The following TIMD4 variants were observed in gnomAD, a reference collection of about 807,000 sequenced individuals.
TIMD4 encodes the protein T cell immunoglobulin and mucin domain containing 4, also known as T-cell immunoglobulin and mucin domain-containing protein 4.
A neutral mutation model predicts 41.2 loss-of-function variants in TIMD4; 31 were observed. The observed-to-expected ratio is 0.75, with a 90% CI of 0.57 to 1.01. TIMD4 has a LOEUF of 1.01. TIMD4 is among the 50% of genes least tolerant of loss of function. The probability of loss-of-function intolerance (pLI) is 0.00; values close to 1 mark genes in which losing one functional copy is unlikely to be tolerated. For synonymous variants in TIMD4, 204 were observed against 177.1 expected, an observed-to-expected ratio of 1.15 and a Z score of -1.21; for missense variants, 479 against 472.5, an observed-to-expected ratio of 1.01 and a Z score of -0.13.
chr5:156,943,676 T>C (rs964601400), intron 5 of TIMD4, among the ~76,000 whole-genome samples: 1 of 152,148 alleles, frequency 6.6e-6, no homozygotes, highest in Non-Finnish European at 1.5e-5. Context: ...GCCCTGGCTT[T>C]GGAGTCCCTA....
At chr5:156,923,143 ATTTTTT>A (rs375276732) in intron 6 of TIMD4, among the ~76,000 whole-genome samples, 36,616 of 134,826 alleles carry the variant, frequency 0.27, 4,742 homozygotes, top group Admixed American at 0.34. Context: ...CTGGGATTAA[ATTTTTT>A]TTTTTTTTTT....
chr5:156,946,634 G>A (rs531278505), intron 5 of TIMD4, among the ~76,000 whole-genome samples: 2 of 151,406 alleles, frequency 1.3e-5, no homozygotes, highest in East Asian at 2.0e-4. Context: ...CCGCCACCAC[G>A]TCCACCTAAT....
At chr5:156,932,718 G>T (rs1013131276) in intron 5 of TIMD4, among the ~76,000 whole-genome samples, 2 of 152,224 alleles carry the variant, frequency 1.3e-5, no homozygotes, top group East Asian at 3.9e-4. Context: ...AAAGAAAACG[G>T]TTTAAGGGCT....
At chr5:156,959,256 C>A (rs1440549587) in intron 1 of TIMD4, among the ~76,000 whole-genome samples, 1 of 152,084 alleles carries the variant, frequency 6.6e-6, no homozygotes, top group East Asian at 1.9e-4. Context: ...ACATTGTAAA[C>A]CCCATTCTGC....
Position 156,919,343 on chromosome 5 carries a change from A to G in TIMD4, c.*114T>C. The G allele has an allele frequency of 3.2e-6, 3 of 938,340 alleles. No individual in the cohort carries two copies. The highest frequency in any genetic ancestry group is 5.0e-6 in the Non-Finnish European group (3 of 603,142). The allele number at this position is 938,340 out of a possible 1,614,324, so 58.1% of individuals were successfully genotyped here. A position where few individuals can be genotyped will look rare whatever the true frequency, so the allele number is the denominator to read the frequency against. The stretch of plus-strand genomic sequence containing the variant: ...CATGAAACTAAAGCAAGCCTGGATC[A>G]ATGACATCCATGGAATAAGTGAGTC... On this transcript the variant is annotated 3_prime_UTR_variant, in exon 9 of 9. Coordinates refer to ENST00000274532, the MANE Select transcript of TIMD4 (RefSeq NM_138379.3).
chr5:156,934,806 C>T (rs1157929603), intron 5 of TIMD4, among the ~76,000 whole-genome samples: 1 of 151,920 alleles, frequency 6.6e-6, no homozygotes, highest in Admixed American at 6.6e-5. Context: ...GAGTGAGCTT[C>T]GAGCCAGAAA....
intron 1 of TIMD4, among the ~76,000 whole-genome samples, chr5:156,961,891 T>C (rs1490314065): frequency 1.2e-5 from 1 of 82,948 alleles, no homozygotes; most frequent in Non-Finnish European, 2.7e-5. Context: ...TATTCAGCCA[T>C]AAAAAAAGAA....
At chr5:156,948,117 T>C (rs1759778096) in intron 5 of TIMD4, among the ~76,000 whole-genome samples, 1 of 152,100 alleles carries the variant, frequency 6.6e-6, no homozygotes, top group Non-Finnish European at 1.5e-5. Flanking sequence ...ATGTGGTACG[T>C]GGCCACGAAG....
intron 5 of TIMD4, among the ~76,000 whole-genome samples, chr5:156,947,717 C>G (rs898231538): frequency 2.0e-5 from 3 of 152,030 alleles, no homozygotes; most frequent in Non-Finnish European, 2.9e-5. Flanking sequence ...AAGACATGCA[C>G]AAAACTGAAC....
chr5:156,933,338 A>G (rs35258610), intron 5 of TIMD4, among the ~76,000 whole-genome samples: 32,008 of 151,904 alleles, frequency 0.21, 3,836 homozygotes, highest in Admixed American at 0.32. Flanking sequence ...GAAACATATC[A>G]AGATGCTCTC....
Position 156,934,352 on chromosome 5 carries a change from G to A in TIMD4, c.845-8040C>T, listed in dbSNP as rs771508165. On this transcript the variant is annotated intron_variant, in intron 5 of 8. Transcript: ENST00000274532. ...CTCAACCTCCCAGGCTCTGGCTCAC[G>A]GTATCCTCCCACCTCACCTCTGCTT... Among the ~76,000 whole-genome samples, 21 of 152,224 alleles carry A rather than the reference G, an allele frequency of 1.4e-4. 2 individuals carry two copies. The highest frequency in any genetic ancestry group is 3.4e-3 in the Middle Eastern group (1 of 294).
chr5:156,958,332 AG>A (rs1343086206), intron 1 of TIMD4, among the ~76,000 whole-genome samples: 4 of 85,384 alleles, frequency 4.7e-5, no homozygotes, highest in African/African-American at 1.9e-4. Flanking sequence ...AGGAAAGGAA[AG>A]GAAAGGAAAG....
At chr5:156,945,646 T>C (rs1176462668) in intron 5 of TIMD4, among the ~76,000 whole-genome samples, 3 of 152,360 alleles carry the variant, frequency 2.0e-5, no homozygotes, top group African/African-American at 7.2e-5. Context: ...TATTTCTATC[T>C]GTTTTCATGT....
At chr5:156,950,712 A>C (rs990139856) in intron 3 of TIMD4, among the ~76,000 whole-genome samples, 3 of 152,326 alleles carry the variant, frequency 2.0e-5, no homozygotes, top group African/African-American at 7.2e-5. Context: ...AGAAACAAAG[A>C]AAAGAAACAA....
At chr5:156,962,833 C>T (rs929862733) in intron 1 of TIMD4, among the ~76,000 whole-genome samples, 5 of 152,200 alleles carry the variant, frequency 3.3e-5, no homozygotes, top group African/African-American at 1.2e-4. Context: ...ATGAATAACA[C>T]CCATAGAGGA....
chr5:156,935,258 A>G (rs1023303119), intron 5 of TIMD4, among the ~76,000 whole-genome samples: 1 of 152,088 alleles, frequency 6.6e-6, no homozygotes, highest in Non-Finnish European at 1.5e-5. Flanking sequence ...TTTTACAGTA[A>G]ATAACAAAGG....
intron 5 of TIMD4, 115 bp from the exon 6 acceptor site, chr5:156,926,427 T>G (rs1406162794): frequency 9.8e-7 from 1 of 1,021,288 alleles, no homozygotes. Flanking sequence ...GTTTAATTAT[T>G]TAATCCCGTG....
At chr5:156,926,942 C>A (rs1174412747) in intron 5 of TIMD4, among the ~76,000 whole-genome samples, 5 of 152,114 alleles carry the variant, frequency 3.3e-5, no homozygotes, top group African/African-American at 9.7e-5. Context: ...ACAAGGGAAC[C>A]ATACTGAGAA....
intron 5 of TIMD4, among the ~76,000 whole-genome samples, chr5:156,946,963 C>T (rs1284739837): frequency 8.6e-5 from 13 of 151,644 alleles, no homozygotes; most frequent in African/African-American, 2.4e-4. Context: ...TTTGGGAGGC[C>T]GAGGCAGGTG....
Sources: gnomAD v4.1 joint callset for allele counts (sites outside exome capture counted in the v4.1 genomes callset) on GRCh38, gnomAD v4.1.1 for gene constraint, MANE v1.5 for transcripts, NCBI Gene and HGNC (gene_info 2026-07-23, HGNC 2026-07-21) for gene names.